Variants in XKR6 observed in about 807,000 individuals in gnomAD.
The protein encoded by XKR6 is XK related 6.
Under a neutral mutation model 56.7 loss-of-function variants are expected in XKR6, and 22 were observed. That is an observed-to-expected ratio of 0.39 (90% CI 0.28 to 0.55). The LOEUF (loss-of-function observed/expected upper bound fraction) is 0.55. XKR6 is among the 20% of genes least tolerant of loss of function. The pLI, the probability that XKR6 is intolerant of heterozygous loss-of-function variation, is 0.66. For missense variants in XKR6, 852 were observed against 889.0 expected, an observed-to-expected ratio of 0.96 and a Z score of 0.53; for synonymous variants, 524 against 387.8, an observed-to-expected ratio of 1.35 and a Z score of -4.13.
At chr8:10,989,056 A>C (rs1310021726) in intron 1 of XKR6, among the ~76,000 whole-genome samples, 4 of 152,196 alleles carry the variant, frequency 2.6e-5, no homozygotes, top group African/African-American at 9.6e-5. Flanking sequence ...ATGTTGACTC[A>C]CCATGACCAC....
chr8:11,161,049 T>C (rs1158082251), intron 1 of XKR6, among the ~76,000 whole-genome samples: 1 of 151,956 alleles, frequency 6.6e-6, no homozygotes, highest in Non-Finnish European at 1.5e-5. Flanking sequence ...TAAGATTCCA[T>C]AATATTATAA....
intron 1 of XKR6, among the ~76,000 whole-genome samples, chr8:11,166,465 G>A (rs1298694096): frequency 1.3e-5 from 2 of 152,060 alleles, no homozygotes; most frequent in African/African-American, 4.8e-5. Flanking sequence ...CCTAGTCTAT[G>A]GTGGGATTTT....
chr8:11,076,114 C>T (rs1216500104), intron 1 of XKR6, among the ~76,000 whole-genome samples: 1 of 152,178 alleles, frequency 6.6e-6, no homozygotes. Flanking sequence ...AGAAATGAGC[C>T]CGTCACAAAA....
chr8:11,157,977 T>C (rs1167523245), intron 1 of XKR6, among the ~76,000 whole-genome samples: 2 of 152,104 alleles, frequency 1.3e-5, no homozygotes, highest in African/African-American at 2.4e-5. Context: ...AAAGCAAAAA[T>C]CTGTTGAGTC....
chr8:10,984,724 C>CTATA (rs1393662292), intron 1 of XKR6, among the ~76,000 whole-genome samples: 92 of 74,864 alleles, frequency 1.2e-3, no homozygotes, highest in African/African-American at 5.0e-3. Flanking sequence ...CTCTCTCTCT[C>CTATA]TCTCTCTCTA....
In XKR6 at chr8:11,147,704, T is replaced by C. The variant is rs1003191737; in HGVS notation, c.764+52872A>G. On this transcript the variant is annotated intron_variant, in intron 1 of 2. Coordinates refer to ENST00000416569, the MANE Select transcript of XKR6 (RefSeq NM_173683.4). ...GATGGCAAATAAGCATATGAAAATA[T>C]GCTCAACATCACAAGCCATTAGGGA... Among the ~76,000 whole-genome samples the C allele has an allele frequency of 8.7e-5, 13 of 149,692 alleles. No individual in the cohort carries two copies. The East Asian group carries it at 1.2e-3, about 13-fold the overall frequency.
chr8:11,037,064 G>A (rs892037304), intron 1 of XKR6, among the ~76,000 whole-genome samples: 1 of 152,240 alleles, frequency 6.6e-6, no homozygotes, highest in East Asian at 1.9e-4. Context: ...CTTATGACGA[G>A]GCGTGGATAT....
intron 1 of XKR6, among the ~76,000 whole-genome samples, chr8:11,112,189 CTTTAT>C (rs963652867): frequency 6.6e-6 from 1 of 152,136 alleles, no homozygotes; most frequent in African/African-American, 2.4e-5. Flanking sequence ...TTAGTTCTGT[CTTTAT>C]TTTCTTTTAA....
intron 1 of XKR6, among the ~76,000 whole-genome samples, chr8:11,038,820 C>A (rs1799212951): frequency 6.6e-6 from 1 of 152,064 alleles, no homozygotes; most frequent in Non-Finnish European, 1.5e-5. Context: ...GGATTACAGG[C>A]ATGAGCCACC....
intron 1 of XKR6, among the ~76,000 whole-genome samples, chr8:11,065,196 C>T (rs1356176349): frequency 6.6e-6 from 1 of 152,152 alleles, no homozygotes; most frequent in Non-Finnish European, 1.5e-5. Context: ...GCTCTGAGCT[C>T]CCCGGCACCC....
At chr8:11,194,096 G>A (rs926813294) in intron 1 of XKR6, among the ~76,000 whole-genome samples, 6 of 152,178 alleles carry the variant, frequency 3.9e-5, no homozygotes, top group African/African-American at 1.4e-4. Flanking sequence ...CTCCGAATCA[G>A]CACCTAGGAG....
intron 1 of XKR6, among the ~76,000 whole-genome samples, chr8:10,950,709 GAT>G (rs1330850354): frequency 2.0e-5 from 3 of 152,206 alleles, no homozygotes; most frequent in African/African-American, 7.2e-5. Context: ...AAGAACTTGA[GAT>G]GGCGAGAACA....
intron 1 of XKR6, among the ~76,000 whole-genome samples, chr8:11,053,058 C>A (rs554269855): frequency 1.8e-4 from 27 of 152,294 alleles, no homozygotes; most frequent in African/African-American, 5.5e-4. Context: ...CTGACCCCCC[C>A]ACGCGCCACC....
intron 1 of XKR6, among the ~76,000 whole-genome samples, chr8:11,064,894 A>G (rs1194895711): frequency 6.6e-6 from 1 of 152,244 alleles, no homozygotes; most frequent in Non-Finnish European, 1.5e-5. Context: ...AGCAAAAAGG[A>G]AAACAGAAGA....
intron 1 of XKR6, among the ~76,000 whole-genome samples, chr8:11,162,229 A>G (rs2090412641): frequency 6.6e-6 from 1 of 152,224 alleles, no homozygotes; most frequent in African/African-American, 2.4e-5. Flanking sequence ...AAAGTTGAGG[A>G]GAAGTGGTTG....
At chr8:10,968,272 G>A (rs556186324) in intron 1 of XKR6, among the ~76,000 whole-genome samples, 93 of 152,336 alleles carry the variant, frequency 6.1e-4, no homozygotes, top group African/African-American at 2.1e-3. Context: ...CTCTACCAAA[G>A]AGAAAAGTGC....
chr8:11,178,618 T>C (rs59028984), intron 1 of XKR6, among the ~76,000 whole-genome samples: 8,768 of 129,486 alleles, frequency 0.068, 352 homozygotes, highest in South Asian at 0.089. Context: ...TATATATATA[T>C]ACACACACAA....
At chr8:11,189,699 T>G (rs996879394) in intron 1 of XKR6, among the ~76,000 whole-genome samples, 4 of 152,198 alleles carry the variant, frequency 2.6e-5, no homozygotes, top group African/African-American at 9.7e-5. Flanking sequence ...CAACTATGCT[T>G]CTCATCCCTG....
Position 10,956,157 on chromosome 8 carries a change from C to A in XKR6, c.765-31327G>T, listed in dbSNP as rs145562007. 6.0e-3 allele frequency among the ~76,000 whole-genome samples: 902 copies of A among 151,420 alleles called. 17 individuals are homozygous for A. The highest frequency in any genetic ancestry group is 0.021 in the African/African-American group (866 of 41,462). On this transcript the variant is annotated intron_variant, in intron 1 of 2. Coordinates refer to ENST00000416569, the MANE Select transcript of XKR6 (RefSeq NM_173683.4). ...GGTCCTCTCCTGGGGGCCAGTGCTG[C>A]CAGGAGGAAGTAGGCAGAAAGGAGC... is the stretch of plus-strand genomic sequence containing the variant.
Sources: gnomAD v4.1 joint callset for allele counts (sites outside exome capture counted in the v4.1 genomes callset) on GRCh38, gnomAD v4.1.1 for gene constraint, MANE v1.5 for transcripts, NCBI Gene and HGNC (gene_info 2026-07-23, HGNC 2026-07-21) for gene names.